The following LRMDA variants were observed in gnomAD, a reference collection of about 807,000 sequenced individuals.
The protein encoded by LRMDA is leucine rich melanocyte differentiation associated.
Under a neutral mutation model 29.8 loss-of-function variants are expected in LRMDA, and 18 were observed. The ratio of observed to expected loss-of-function variants is 0.60; its 90% CI spans 0.42 to 0.90. LRMDA has a LOEUF of 0.90. Ranked by LOEUF, LRMDA falls within the 40% of genes least tolerant of loss-of-function variation. LRMDA has a pLI of 0.00. For missense variants in LRMDA, 273 were observed against 273.9 expected (o/e 1.00, Z 0.02); for synonymous variants, 125 against 109.4 (o/e 1.14, Z -0.89).
chr10:76,392,654 G>A (rs1263266612), intron 6 of LRMDA, among the ~76,000 whole-genome samples: 2 of 151,896 alleles, frequency 1.3e-5, no homozygotes, highest in Non-Finnish European at 2.9e-5. Context: ...TAACCTGTAT[G>A]TGCATTGTGT....
intron 3 of LRMDA, among the ~76,000 whole-genome samples, chr10:76,040,383 A>G (rs1848320585): frequency 6.6e-6 from 1 of 152,060 alleles, no homozygotes; most frequent in Non-Finnish European, 1.5e-5. Context: ...TTTTTCCACC[A>G]GCCCTTTTTC....
intron 2 of LRMDA, among the ~76,000 whole-genome samples, chr10:75,447,590 C>T (rs1844409967): frequency 1.3e-5 from 2 of 152,224 alleles, no homozygotes; most frequent in African/African-American, 4.8e-5. Flanking sequence ...TCTGGAGTGA[C>T]CTCCCTGCCT....
chr10:76,117,257 T>A (rs1849682334), intron 5 of LRMDA, among the ~76,000 whole-genome samples: 1 of 152,150 alleles, frequency 6.6e-6, no homozygotes, highest in African/African-American at 2.4e-5. Flanking sequence ...TTTACTAAAT[T>A]GTGTCAGTGA....
chr10:76,391,520 C>A (rs556369744), intron 6 of LRMDA, among the ~76,000 whole-genome samples: 2 of 152,310 alleles, frequency 1.3e-5, no homozygotes, highest in South Asian at 4.1e-4. Flanking sequence ...CTGCAATTTT[C>A]TGACCTGCCA....
rs141154770 is a variant in LRMDA, at chr10:75,951,275, G to A, written c.132-84733G>A. On this transcript the variant is annotated intron_variant, in intron 2 of 6. Coordinates refer to ENST00000611255, the MANE Select transcript of LRMDA (RefSeq NM_001305581.2). ...CACACAAGGCACTAAGTGGTTCAGA[G>A]CTAAGCGAGTGGTGGTGGGCGGTAG... 4.6e-5 allele frequency among the ~76,000 whole-genome samples: 7 copies of A among 152,330 alleles called. No individual in the cohort carries two copies. The East Asian group carries it at 1.4e-3, about 29-fold the overall frequency.
chr10:75,448,811 A>G (rs1364395455), intron 2 of LRMDA, among the ~76,000 whole-genome samples: 1 of 152,158 alleles, frequency 6.6e-6, no homozygotes, highest in African/African-American at 2.4e-5. Context: ...GACTGGCTCT[A>G]CTCTCCAAAG....
chr10:76,352,956 G>C (rs1226704485), intron 6 of LRMDA, among the ~76,000 whole-genome samples: 1 of 152,090 alleles, frequency 6.6e-6, no homozygotes, highest in Non-Finnish European at 1.5e-5. Context: ...CCCAAATGAA[G>C]CAGCTTTTGA....
intron 5 of LRMDA, among the ~76,000 whole-genome samples, chr10:76,210,311 T>C (rs867438524): frequency 2.6e-5 from 4 of 152,250 alleles, no homozygotes; most frequent in Middle Eastern, 6.8e-3. Flanking sequence ...AGCTAAATAA[T>C]GATTGCATTC....
At chr10:76,226,698 A>C (rs781341148) in intron 5 of LRMDA, among the ~76,000 whole-genome samples, 23 of 152,142 alleles carry the variant, frequency 1.5e-4, no homozygotes, top group Non-Finnish European at 2.9e-4. Flanking sequence ...CTCCCTCAAC[A>C]TGTGGGGATT....
chr10:76,535,416 G>A (rs536651651), intron 6 of LRMDA, among the ~76,000 whole-genome samples: 1 of 151,712 alleles, frequency 6.6e-6, no homozygotes, highest in East Asian at 1.9e-4. Context: ...TGCAGAAGAT[G>A]CGTTGGCCTA....
intron 2 of LRMDA, among the ~76,000 whole-genome samples, chr10:75,677,423 T>C (rs1018243793): frequency 1.3e-4 from 20 of 152,042 alleles, no homozygotes; most frequent in African/African-American, 4.1e-4. Flanking sequence ...TGAATCAGGT[T>C]TAAAAAAAAA....
At chr10:76,357,542 T>G (rs1453481788) in intron 6 of LRMDA, among the ~76,000 whole-genome samples, 1 of 152,178 alleles carries the variant, frequency 6.6e-6, no homozygotes, top group African/African-American at 2.4e-5. Context: ...TATCTGCATA[T>G]TTTTAGAGCC....
At chr10:76,055,692 G>T (rs1848602258) in intron 4 of LRMDA, among the ~76,000 whole-genome samples, 2 of 152,254 alleles carry the variant, frequency 1.3e-5, no homozygotes, top group African/African-American at 4.8e-5. Flanking sequence ...CATGCTGGAA[G>T]CAGCAGGCTG....
intron 2 of LRMDA, among the ~76,000 whole-genome samples, chr10:75,585,920 G>A (rs1268952442): frequency 6.6e-6 from 1 of 152,162 alleles, no homozygotes; most frequent in Non-Finnish European, 1.5e-5. Flanking sequence ...GTGGAATCAT[G>A]CAGTCTTCTT....
At chr10:76,144,221 C>A (rs1850264885) in intron 5 of LRMDA, among the ~76,000 whole-genome samples, 2 of 152,118 alleles carry the variant, frequency 1.3e-5, no homozygotes, top group African/African-American at 4.8e-5. Context: ...TTTTCCAATT[C>A]TGTGAAGAAA....
chr10:76,085,636 G>T (rs1002203072), intron 5 of LRMDA, among the ~76,000 whole-genome samples: 4 of 152,158 alleles, frequency 2.6e-5, no homozygotes, highest in African/African-American at 9.7e-5. Context: ...TCCTTGGAGA[G>T]TCGGTCTCTT....
At chr10:75,611,376 C>T (rs1311168570) in intron 2 of LRMDA, among the ~76,000 whole-genome samples, 1 of 152,102 alleles carries the variant, frequency 6.6e-6, no homozygotes, top group African/African-American at 2.4e-5. Flanking sequence ...TAAAATTTAC[C>T]ATTCAAACTA....
chr10:76,171,280 C>A (rs1325460855), intron 5 of LRMDA, among the ~76,000 whole-genome samples: 1 of 152,192 alleles, frequency 6.6e-6, no homozygotes, highest in African/African-American at 2.4e-5. Flanking sequence ...GGATTACAGG[C>A]ATGCACCACC....
intron 5 of LRMDA, among the ~76,000 whole-genome samples, chr10:76,072,554 G>T (rs1371996684): frequency 6.6e-6 from 1 of 152,180 alleles, no homozygotes; most frequent in South Asian, 2.1e-4. Context: ...CTCTAGGTTG[G>T]CCCCAAGAGA....
Sources: gnomAD v4.1 joint callset for allele counts (sites outside exome capture counted in the v4.1 genomes callset) on GRCh38, gnomAD v4.1.1 for gene constraint, MANE v1.5 for transcripts, NCBI Gene and HGNC (gene_info 2026-07-23, HGNC 2026-07-21) for gene names.